Variants in TSHR observed in about 807,000 individuals in gnomAD.
TSHR encodes the protein thyroid stimulating hormone receptor, also known as thyrotropin receptor.
TSHR carries 51 observed loss-of-function variants against 64.1 expected under a neutral mutation model. The ratio of observed to expected loss-of-function variants is 0.80; its 90% CI spans 0.64 to 1.01. The LOEUF is 1.01. Ranked by LOEUF, TSHR falls within the 50% of genes least tolerant of loss-of-function variation. The pLI is 0.00. For synonymous variants in TSHR, 361 were observed against 361.9 expected (o/e 1.00, Z 0.03); for missense variants, 877 against 942.8 (o/e 0.93, Z 0.91).
intron 1 of TSHR, among the ~76,000 whole-genome samples, chr14:81,010,174 T>C (rs952529591): frequency 5.3e-5 from 8 of 152,208 alleles, no homozygotes; most frequent in African/African-American, 1.9e-4. Flanking sequence ...TATTGCCTTA[T>C]CTTTTTATTG....
chr14:81,109,666 C>T (rs749729541), intron 8 of TSHR, among the ~76,000 whole-genome samples: 6 of 152,192 alleles, frequency 3.9e-5, no homozygotes, highest in East Asian at 1.9e-4. Flanking sequence ...GATACCTTCA[C>T]TCTTTCACCT....
intron 1 of TSHR, among the ~76,000 whole-genome samples, chr14:81,037,695 T>C (rs1217241589): frequency 6.6e-6 from 1 of 151,728 alleles, no homozygotes; most frequent in Non-Finnish European, 1.5e-5. Flanking sequence ...AGAGTAGCTA[T>C]ACTTAGATAA....
intron 1 of TSHR, among the ~76,000 whole-genome samples, chr14:80,999,091 G>T (rs186027177): frequency 6.6e-6 from 1 of 152,168 alleles, no homozygotes; most frequent in Non-Finnish European, 1.5e-5. Flanking sequence ...TATAATTTCC[G>T]TGGACTTACA....
At chr14:81,134,196 T>C (rs1458451822) in intron 8 of TSHR, among the ~76,000 whole-genome samples, 1 of 152,114 alleles carries the variant, frequency 6.6e-6, no homozygotes, top group African/African-American at 2.4e-5. Context: ...AGTGCAATGG[T>C]GCAATCTCGG....
At chr14:81,110,481 G>A (rs1268081244) in intron 8 of TSHR, among the ~76,000 whole-genome samples, 2 of 152,214 alleles carry the variant, frequency 1.3e-5, no homozygotes, top group East Asian at 3.8e-4. Context: ...CAAACTTGCT[G>A]ACACTTTGAT....
At chr14:80,958,815 T>G (rs1031233474) in intron 1 of TSHR, among the ~76,000 whole-genome samples, 2 of 152,216 alleles carry the variant, frequency 1.3e-5, no homozygotes, top group Non-Finnish European at 2.9e-5. Context: ...AGGCATGTTC[T>G]CTCACAAGTT....
intron 1 of TSHR, chr14:80,994,613 A>G (rs1432448739): frequency 6.6e-6 from 1 of 152,216 alleles, no homozygotes; most frequent in Non-Finnish European, 1.5e-5. Flanking sequence ...AAACCAAGCA[A>G]AAGCAAGCAA....
intron 1 of TSHR, chr14:80,992,833 T>C (rs1711931457): frequency 1.3e-5 from 2 of 152,150 alleles, no homozygotes; most frequent in South Asian, 2.1e-4. Flanking sequence ...CAGTTAACTA[T>C]AAAAACAGGA....
chr14:81,080,136 T>C (rs1163715071), intron 3 of TSHR, among the ~76,000 whole-genome samples: 1 of 152,000 alleles, frequency 6.6e-6, no homozygotes, highest in Non-Finnish European at 1.5e-5. Flanking sequence ...GTATTTTTAG[T>C]AGAGAAGGGG....
At chr14:80,996,393 T>G (rs1889021806) in intron 1 of TSHR, among the ~76,000 whole-genome samples, 1 of 152,144 alleles carries the variant, frequency 6.6e-6, no homozygotes. Context: ...TCGTATTCAT[T>G]TTTTTAAAAC....
chr14:80,955,799 C>T lies in TSHR; in HGVS notation c.119C>T (p.Thr40Ile), dbSNP rs773044895. 1 of 1,614,204 alleles carries T rather than the reference C, an allele frequency of 6.2e-7. No homozygotes were observed. The highest frequency in any genetic ancestry group is 8.5e-7 in the Non-Finnish European group (1 of 1,180,034). ...ECHQEEDFRV[T>I]CKDIQRIPSL... The stretch of plus-strand genomic sequence containing the variant: ...CATCAGGAGGAGGACTTCAGAGTCA[C>T]CTGCAAGGATATTCAACGCATCCCC... Residue 40 changes from threonine to isoleucine, a missense_variant, in exon 1 of 10, where the codon ACC (threonine) becomes ATC (isoleucine). Transcript: ENST00000298171.
chr14:81,083,470 A>C (rs947451620), intron 3 of TSHR, among the ~76,000 whole-genome samples: 2 of 87,958 alleles, frequency 2.3e-5, no homozygotes, highest in Non-Finnish European at 4.1e-5. Flanking sequence ...ACCTCATTTA[A>C]AAAAAAAAAA....
intron 4 of TSHR, among the ~76,000 whole-genome samples, chr14:81,090,641 G>A (rs576690123): frequency 1.3e-5 from 2 of 152,042 alleles, no homozygotes; most frequent in Non-Finnish European, 2.9e-5. Context: ...ATATCATGTA[G>A]AGCTTGAAAG....
chr14:80,989,631 CCT>C (rs1409913142), intron 1 of TSHR, among the ~76,000 whole-genome samples: 2 of 152,140 alleles, frequency 1.3e-5, no homozygotes, highest in Non-Finnish European at 2.9e-5. Flanking sequence ...AGATCAAATG[CCT>C]TATTCTTCCC....
At chr14:81,079,242 A>G (rs772593409) in intron 3 of TSHR, among the ~76,000 whole-genome samples, 1 of 152,214 alleles carries the variant, frequency 6.6e-6, no homozygotes, top group African/African-American at 2.4e-5. Flanking sequence ...TTTCTATTGT[A>G]CTTTCTCTAT....
chr14:80,989,808 A>T (rs538963072), intron 1 of TSHR, among the ~76,000 whole-genome samples: 1 of 152,238 alleles, frequency 6.6e-6, no homozygotes, highest in African/African-American at 2.4e-5. Flanking sequence ...GTTACCTAAG[A>T]CAACCCTGTA....
chr14:81,043,759 A>G (rs1885034574), intron 1 of TSHR, among the ~76,000 whole-genome samples: 1 of 152,140 alleles, frequency 6.6e-6, no homozygotes, highest in African/African-American at 2.4e-5. Context: ...GGAACAGAAA[A>G]AAAGAACTCG....
intron 8 of TSHR, among the ~76,000 whole-genome samples, chr14:81,115,548 ATC>A (rs973802214): frequency 1.6e-4 from 23 of 148,296 alleles, no homozygotes; most frequent in Non-Finnish European, 3.1e-4. Context: ...CCAAATCTAC[ATC>A]TGATTGGTGT....
intron 1 of TSHR, among the ~76,000 whole-genome samples, chr14:81,019,533 A>T (rs2139795984): frequency 6.7e-6 from 1 of 149,088 alleles, no homozygotes; most frequent in South Asian, 2.1e-4. Flanking sequence ...ATAGGTATAC[A>T]TGTGCCATGG....
Sources: allele counts gnomAD v4.1 joint callset (sites outside exome capture counted in the v4.1 genomes callset), GRCh38; gene constraint gnomAD v4.1.1; transcripts MANE v1.5; gene names NCBI Gene and HGNC (gene_info 2026-07-23, HGNC 2026-07-21).